Variants in SCN9A observed in about 807,000 individuals in gnomAD.
The protein encoded by SCN9A is sodium channel protein type 9 subunit alpha.
SCN9A carries 131 observed loss-of-function variants against 187.0 expected under a neutral mutation model. The observed-to-expected ratio is 0.70, with a 90% CI of 0.61 to 0.81. The LOEUF is 0.81. Among genes scored for constraint, SCN9A ranks in the 30% least tolerant of loss-of-function variants. The pLI, the probability that SCN9A is intolerant of heterozygous loss-of-function variation, is 0.00. For missense variants in SCN9A, 2,252 were observed against 2,396.6 expected, an observed-to-expected ratio of 0.94 and a Z score of 1.26; for synonymous variants, 809 against 808.6, an observed-to-expected ratio of 1.00 and a Z score of -0.01.
At chr2:166,203,710 T>G (rs1354066239) in intron 26 of SCN9A, among the ~76,000 whole-genome samples, 1 of 151,904 alleles carries the variant, frequency 6.6e-6, no homozygotes, top group African/African-American at 2.4e-5. Flanking sequence ...AAACTAAATA[T>G]CAACAAGTAT....
chr2:166,247,402 C>T (rs912621608), intron 18 of SCN9A, among the ~76,000 whole-genome samples: 6 of 151,960 alleles, frequency 3.9e-5, no homozygotes, highest in Non-Finnish European at 5.9e-5. Context: ...TATTGTGTTA[C>T]TAAAGTTAGA....
intron 17 of SCN9A, among the ~76,000 whole-genome samples, chr2:166,263,589 C>G (rs1354879818): frequency 6.6e-6 from 1 of 151,956 alleles, no homozygotes; most frequent in Non-Finnish European, 1.5e-5. Flanking sequence ...TATCAATAAC[C>G]ATCTAGTCTT....
rs1329907808 is a variant in SCN9A at position 166,278,154 on chromosome 2, G to A, written c.2503C>T (p.Arg835Ter). The A allele has an allele frequency of 5.0e-6, 8 of 1,611,846 alleles. No individual in the cohort carries two copies. Among genetic ancestry groups the A allele is most frequent in the African/African-American group, 1.3e-5 (1 of 74,758 alleles). The part of the protein sequence containing the change: ...LADVEGLSVL[R>*]SFRLLRVFKL... ...TTTATGTTTACCAGTCTGAATGATCGCAGAACTGACAATCCTTCCACATCT... is the reference window on the plus strand; with the variant it reads ...TTTATGTTTACCAGTCTGAATGATCACAGAACTGACAATCCTTCCACATCT... The change falls in exon 15 of 27, where the codon CGA (arginine) becomes TGA (stop). Residue 835 changes from arginine to a stop codon, truncating the protein, a stop_gained. Transcript: ENST00000642356. LOFTEE classifies it high-confidence loss of function.
intron 18 of SCN9A, among the ~76,000 whole-genome samples, chr2:166,248,689 C>G (rs1695900981): frequency 6.6e-6 from 1 of 152,078 alleles, no homozygotes; most frequent in South Asian, 2.1e-4. Context: ...TTGTTGGAGA[C>G]AGAGTCTTCC....
intron 1 of SCN9A, among the ~76,000 whole-genome samples, chr2:166,360,603 G>A (rs1473529271): frequency 6.6e-6 from 1 of 152,074 alleles, no homozygotes; most frequent in Non-Finnish European, 1.5e-5. Flanking sequence ...AATAACTTTG[G>A]CACCAGGCAG....
At chr2:166,250,195 A>G (rs6756630) in intron 18 of SCN9A, among the ~76,000 whole-genome samples, 121,240 of 152,016 alleles carry the variant, frequency 0.8, 48,901 homozygotes, top group Non-Finnish European at 0.85. Context: ...TGTTATAAGA[A>G]ACCAGTTGAG....
chr2:166,258,335 G>C (rs949073961), intron 17 of SCN9A, among the ~76,000 whole-genome samples: 3 of 151,328 alleles, frequency 2.0e-5, no homozygotes, highest in Admixed American at 6.6e-5. Flanking sequence ...TTTATAATAT[G>C]CTCTATCTAA....
At chr2:166,334,568 G>A (rs368267915) in intron 1 of SCN9A, among the ~76,000 whole-genome samples, 27 of 152,210 alleles carry the variant, frequency 1.8e-4, no homozygotes, top group Non-Finnish European at 2.5e-4. Flanking sequence ...TCTGGAAGGC[G>A]TGTTACAATA....
intron 1 of SCN9A, among the ~76,000 whole-genome samples, chr2:166,340,828 G>T (rs537750141): frequency 6.6e-6 from 1 of 151,876 alleles, no homozygotes; most frequent in African/African-American, 2.4e-5. Context: ...TTACTATGTT[G>T]CCCCGGCTGG....
intron 1 of SCN9A, among the ~76,000 whole-genome samples, chr2:166,313,323 T>A (rs956933188): frequency 8.5e-5 from 13 of 152,148 alleles, no homozygotes; most frequent in Non-Finnish European, 1.8e-4. Context: ...CTAGCTATAA[T>A]ATATTCTTCT....
intron 17 of SCN9A, among the ~76,000 whole-genome samples, chr2:166,263,713 C>T (rs1337785314): frequency 6.6e-6 from 1 of 151,918 alleles, no homozygotes; most frequent in African/African-American, 2.4e-5. Context: ...TCTTTGCAGA[C>T]ACAATGAAGA....
intron 1 of SCN9A, among the ~76,000 whole-genome samples, chr2:166,326,543 T>C (rs1390955159): frequency 6.6e-6 from 1 of 152,166 alleles, no homozygotes; most frequent in South Asian, 2.1e-4. Flanking sequence ...GTGTCAAGAA[T>C]AAATGCTACA....
intron 18 of SCN9A, among the ~76,000 whole-genome samples, chr2:166,244,532 T>C (rs1284909385): frequency 6.6e-6 from 1 of 152,100 alleles, no homozygotes; most frequent in Non-Finnish European, 1.5e-5. Flanking sequence ...ATTATTTTAC[T>C]GTATTTTATT....
intron 24 of SCN9A, among the ~76,000 whole-genome samples, chr2:166,221,136 A>G (rs923848147): frequency 6.6e-6 from 1 of 152,190 alleles, no homozygotes; most frequent in African/African-American, 2.4e-5. Context: ...GAAAACTACA[A>G]AATGTTCATG....
intron 11 of SCN9A, 79 bp downstream of exon 11, chr2:166,286,257 A>T (rs1407275279): frequency 7.3e-7 from 1 of 1,365,820 alleles, no homozygotes. Flanking sequence ...TCCTCTCCCG[A>T]GTTCTCTTAC....
chr2:166,287,056 T>G (rs993358420), intron 10 of SCN9A, among the ~76,000 whole-genome samples: 7 of 152,152 alleles, frequency 4.6e-5, no homozygotes, highest in African/African-American at 1.7e-4. Context: ...ATAAATGAAT[T>G]ATTAAAGCAT....
At chr2:166,367,546 T>A (rs899614966) in intron 1 of SCN9A, among the ~76,000 whole-genome samples, 1 of 152,204 alleles carries the variant, frequency 6.6e-6, no homozygotes, top group African/African-American at 2.4e-5. Flanking sequence ...ATTACGGGCG[T>A]AAGCCACCGC....
rs575973973 is a variant in SCN9A at position 166,321,586 on chromosome 2, A to C, written c.-50-9780T>G. ...CACATATTTTGAACTCCGAGTCTCT[A>C]TTATGTTCAATTAAAGAAAGAAGAG... On this transcript the variant is annotated intron_variant, in intron 1 of 26. Coordinates refer to ENST00000642356, the MANE Select transcript of SCN9A (RefSeq NM_001365536.1). The C allele has an allele frequency of 3.9e-5, 6 of 152,072 alleles. No homozygotes were observed. In the South Asian group the frequency reaches 1.2e-3, roughly 32 times the overall value. The allele number at this position is 152,072 out of a possible 1,614,324, so 9.4% of individuals were successfully genotyped here.
chr2:166,352,130 G>C (rs765369653), intron 1 of SCN9A, among the ~76,000 whole-genome samples: 14 of 152,088 alleles, frequency 9.2e-5, no homozygotes, highest in Non-Finnish European at 1.5e-4. Context: ...TATAAAGTTG[G>C]TATATTGGTA....
Sources: gnomAD v4.1 joint callset for allele counts (sites outside exome capture counted in the v4.1 genomes callset) on GRCh38, gnomAD v4.1.1 for gene constraint, MANE v1.5 for transcripts, NCBI Gene and HGNC (gene_info 2026-07-23, HGNC 2026-07-21) for gene names.